Variants in HHAT observed in about 807,000 individuals in gnomAD.
HHAT encodes the protein protein-cysteine N-palmitoyltransferase HHAT.
Under a neutral mutation model 70.8 loss-of-function variants are expected in HHAT, and 47 were observed. The observed-to-expected ratio is 0.66, with a 90% confidence interval of 0.53 to 0.85. HHAT has a LOEUF of 0.85. Among genes scored for constraint, HHAT ranks in the 40% least tolerant of loss-of-function variants. The pLI is 0.00. For missense variants in HHAT, 609 were observed against 604.8 expected, an observed-to-expected ratio of 1.01 and a Z score of -0.07; for synonymous variants, 228 against 247.6, an observed-to-expected ratio of 0.92 and a Z score of 0.74.
At chr1:210,374,219 T>C (rs906025301) in intron 3 of HHAT, 4 of 152,074 alleles carry the variant, frequency 2.6e-5, no homozygotes, top group South Asian at 2.1e-4. Flanking sequence ...TCCACGGAAA[T>C]CTTTAGTAAA....
At chr1:210,631,833 C>T (rs912766420) in intron 11 of HHAT, among the ~76,000 whole-genome samples, 1 of 152,216 alleles carries the variant, frequency 6.6e-6, no homozygotes, top group Non-Finnish European at 1.5e-5. Flanking sequence ...GGTCATTTAT[C>T]TTGAGTGTAA....
At chr1:210,374,028 A>AC (rs1465718296) in intron 3 of HHAT, 1 of 152,240 alleles carries the variant, frequency 6.6e-6, no homozygotes, top group Non-Finnish European at 1.5e-5. Flanking sequence ...GACATGGAAA[A>AC]CAAGAGTTAA....
intron 9 of HHAT, among the ~76,000 whole-genome samples, chr1:210,587,609 A>G (rs1660748346): frequency 6.6e-6 from 1 of 152,154 alleles, no homozygotes; most frequent in Non-Finnish European, 1.5e-5. Context: ...TCCCTTTCAG[A>G]AACTCTAAAT....
upstream of HHAT, among the ~76,000 whole-genome samples, chr1:210,327,717 G>T (rs148020004): frequency 7.9e-3 from 1,204 of 152,306 alleles, 11 homozygotes; most frequent in African/African-American, 0.026. Flanking sequence ...TGTTGGCCAG[G>T]CTGGTCTCAA....
At chr1:210,599,604 A>G (rs1663785318) in intron 10 of HHAT, among the ~76,000 whole-genome samples, 1 of 151,936 alleles carries the variant, frequency 6.6e-6, no homozygotes, top group African/African-American at 2.4e-5. Context: ...TGTACATTCT[A>G]CCTCCTAAGT....
chr1:210,362,850 A>G lies in HHAT; in HGVS notation c.92-2A>G. On this transcript the variant is annotated splice_acceptor_variant, in intron 2 of 11. Transcript: ENST00000261458. LOFTEE classifies it high-confidence loss of function. ...TAACGAAGACTTTTTTTTTTTGGTC[A>G]GAACACGAAGAGGAGCTGGACCAGG... The G allele has an allele frequency of 6.2e-7, 1 of 1,609,316 alleles. No individual in the cohort carries two copies. The highest frequency in any genetic ancestry group is 8.5e-7 in the Non-Finnish European group (1 of 1,178,312).
At chr1:210,478,175 A>G (rs2094334789) in intron 8 of HHAT, among the ~76,000 whole-genome samples, 1 of 152,190 alleles carries the variant, frequency 6.6e-6, no homozygotes, top group South Asian at 2.1e-4. Context: ...CACTCACTCT[A>G]ATAGGATTGA....
chr1:210,660,725 C>T (rs1490510792), intron 11 of HHAT, among the ~76,000 whole-genome samples: 1 of 152,056 alleles, frequency 6.6e-6, no homozygotes, highest in African/African-American at 2.4e-5. Context: ...AGATATAGAC[C>T]AATGGAACAG....
chr1:210,657,613 A>G (rs1377226858), intron 11 of HHAT, among the ~76,000 whole-genome samples: 2 of 152,230 alleles, frequency 1.3e-5, no homozygotes, highest in African/African-American at 4.8e-5. Flanking sequence ...TCTTTATCCA[A>G]CAACTGCTCT....
intron 10 of HHAT, among the ~76,000 whole-genome samples, chr1:210,595,327 G>A (rs1277471337): frequency 2.0e-5 from 3 of 152,228 alleles, no homozygotes; most frequent in East Asian, 3.9e-4. Context: ...AGTATTCCAT[G>A]GTGTATATGT....
intron 11 of HHAT, among the ~76,000 whole-genome samples, chr1:210,655,571 T>TG (rs1676213235): frequency 6.6e-6 from 1 of 152,204 alleles, no homozygotes; most frequent in African/African-American, 2.4e-5. Context: ...CACCAGGACT[T>TG]GCCTGTTGTC....
intron 8 of HHAT, among the ~76,000 whole-genome samples, chr1:210,511,796 T>TC (rs549390205): frequency 0.33 from 34,362 of 105,136 alleles, 4,688 homozygotes; most frequent in East Asian, 0.42. Context: ...TTTTTTTTTT[T>TC]TTTTTTTTTT....
At chr1:210,501,223 T>G (rs893636477) in intron 8 of HHAT, among the ~76,000 whole-genome samples, 1 of 152,252 alleles carries the variant, frequency 6.6e-6, no homozygotes, top group Non-Finnish European at 1.5e-5. Context: ...CTTTAAATAT[T>G]CATTAAATGG....
At chr1:210,653,926 A>G (rs1325320845) in intron 11 of HHAT, among the ~76,000 whole-genome samples, 11 of 10,890 alleles carry the variant, frequency 1.0e-3, no homozygotes, top group African/African-American at 2.3e-3. Flanking sequence ...ACAGTGGAAT[A>G]CTGTGATGGG....
At chr1:210,668,931 AC>A (rs1375116560) in intron 11 of HHAT, among the ~76,000 whole-genome samples, 1 of 151,422 alleles carries the variant, frequency 6.6e-6, no homozygotes, top group Admixed American at 6.6e-5. Context: ...CTGCCACCAC[AC>A]CCCGCTAATT....
intron 8 of HHAT, among the ~76,000 whole-genome samples, chr1:210,474,204 A>G (rs2094260148): frequency 6.6e-6 from 1 of 152,218 alleles, no homozygotes; most frequent in African/African-American, 2.4e-5. Flanking sequence ...GGGCTGGCAC[A>G]TAGTAGGCAC....
intron 9 of HHAT, among the ~76,000 whole-genome samples, chr1:210,570,833 G>A (rs1277057232): frequency 1.3e-5 from 2 of 152,138 alleles, no homozygotes; most frequent in Non-Finnish European, 2.9e-5. Context: ...GATGGGCTAG[G>A]AATATTGGCC....
intron 7 of HHAT, among the ~76,000 whole-genome samples, chr1:210,447,916 C>T (rs1450159214): frequency 4.6e-5 from 7 of 152,220 alleles, no homozygotes; most frequent in East Asian, 3.9e-4. Flanking sequence ...ACCCACAAAG[C>T]GGAGGACCCA....
chr1:210,350,339 G>C (rs1221269486), intron 2 of HHAT, among the ~76,000 whole-genome samples: 1 of 152,204 alleles, frequency 6.6e-6, no homozygotes, highest in Non-Finnish European at 1.5e-5. Context: ...CATTGTGGTT[G>C]CATTGAATCT....
Sources: gnomAD v4.1 joint callset for allele counts (sites outside exome capture counted in the v4.1 genomes callset) on GRCh38, gnomAD v4.1.1 for gene constraint, MANE v1.5 for transcripts, NCBI Gene and HGNC (gene_info 2026-07-23, HGNC 2026-07-21) for gene names.